The following FANCC variants were observed in gnomAD, a reference collection of about 807,000 sequenced individuals.
FANCC encodes Fanconi anemia group C protein.
FANCC carries 55 observed loss-of-function variants against 71.3 expected under a neutral mutation model. That is an observed-to-expected ratio of 0.77 (90% confidence interval 0.62 to 0.97). FANCC has a LOEUF of 0.97. Among genes scored for constraint, FANCC ranks in the 50% least tolerant of loss-of-function variants. The pLI is 0.00. For missense variants in FANCC, 678 were observed against 670.9 expected (o/e 1.01, Z -0.12); for synonymous variants, 275 against 244.9 (o/e 1.12, Z -1.15).
chr9:95,110,143 G>C (rs2071790711), intron 13 of FANCC: 10 of 615,116 alleles, frequency 1.6e-5, no homozygotes, highest in Non-Finnish European at 1.8e-5. Context: ...CCCTGAGGGA[G>C]AACTACGCAA....
At chr9:95,209,464 T>C (rs898300107) in intron 4 of FANCC, among the ~76,000 whole-genome samples, 1 of 152,178 alleles carries the variant, frequency 6.6e-6, no homozygotes, top group African/African-American at 2.4e-5. Flanking sequence ...CAGGGGAGGC[T>C]GTGCATGTGT....
At chr9:95,141,904 AACCTAATACT>A (rs1288328433) in intron 7 of FANCC, among the ~76,000 whole-genome samples, 1 of 152,076 alleles carries the variant, frequency 6.6e-6, no homozygotes, top group Non-Finnish European at 1.5e-5. Context: ...AGTTTGCAAA[AACCTAATACT>A]ACACATTGTC....
rs192308056 is a variant in FANCC, at chr9:95,252,453, T to C, written c.-78-3084A>G. Among the ~76,000 whole-genome samples, 230 of 151,334 alleles carry C rather than the reference T, an allele frequency of 1.5e-3. 1 individual carries two copies. Among genetic ancestry groups the C allele is most frequent in the African/African-American group, 5.2e-3 (216 of 41,246 alleles). On this transcript the variant is annotated intron_variant, in intron 1 of 14. Transcript: ENST00000289081. Reference sequence around the variant, plus strand: ...AGACAAACATTTTATTCAAATAAAATTGCAGGCCCGGGGCTGGGCGCCGTG... The same window carrying C: ...AGACAAACATTTTATTCAAATAAAACTGCAGGCCCGGGGCTGGGCGCCGTG...
chr9:95,124,878 C>A (rs1405909361), intron 10 of FANCC, among the ~76,000 whole-genome samples: 1 of 152,184 alleles, frequency 6.6e-6, no homozygotes. Context: ...TAGACAGATG[C>A]TTCTGGGTAT....
chr9:95,223,963 G>C (rs2135951687), intron 4 of FANCC, among the ~76,000 whole-genome samples: 2 of 152,262 alleles, frequency 1.3e-5, no homozygotes, highest in South Asian at 4.1e-4. Flanking sequence ...GGCAACAAGA[G>C]TGAAACTCCG....
At chr9:95,189,717 T>G (rs1325431399) in intron 4 of FANCC, among the ~76,000 whole-genome samples, 1 of 152,220 alleles carries the variant, frequency 6.6e-6, no homozygotes, top group Non-Finnish European at 1.5e-5. Context: ...TGATAAATAT[T>G]CTGCCAGGCT....
intron 1 of FANCC, among the ~76,000 whole-genome samples, chr9:95,256,677 A>C (rs1340808295): frequency 6.6e-6 from 1 of 152,234 alleles, no homozygotes; most frequent in African/African-American, 2.4e-5. Flanking sequence ...GATCAAATTC[A>C]CACATAAAAA....
chr9:95,230,635 G>C (rs1829945823), intron 4 of FANCC, among the ~76,000 whole-genome samples: 1 of 152,106 alleles, frequency 6.6e-6, no homozygotes, highest in African/African-American at 2.4e-5. Flanking sequence ...TGAAGCCGCA[G>C]ACCTTCGCAG....
chr9:95,113,246 A>G (rs2072103771), intron 12 of FANCC, among the ~76,000 whole-genome samples: 1 of 152,222 alleles, frequency 6.6e-6, no homozygotes, highest in African/African-American at 2.4e-5. Context: ...CCAAGCCATC[A>G]ATCACGGAGC....
chr9:95,106,036 C>A (rs1313909045), intron 14 of FANCC, among the ~76,000 whole-genome samples: 1 of 152,214 alleles, frequency 6.6e-6, no homozygotes, highest in Admixed American at 6.5e-5. Context: ...GTTTGAGGAA[C>A]CACCCCATTC....
In FANCC at chr9:95,146,331, AC is replaced by A. The variant is rs372329325; in HGVS notation, c.686+3591del. Reference sequence around the variant, plus strand: ...GTGAAATGCCGTCTCTACCGAAAATACAAAAAATTAGCCAGGCATGGTAGCA... The same window carrying A: ...GTGAAATGCCGTCTCTACCGAAAATAAAAAAATTAGCCAGGCATGGTAGCA... On this transcript the variant is annotated intron_variant, in intron 7 of 14. Transcript: ENST00000289081. 3.0e-3 allele frequency among the ~76,000 whole-genome samples: 451 copies of A among 151,858 alleles called. 3 individuals carry two copies. Among genetic ancestry groups the A allele is most frequent in the African/African-American group, 0.01 (431 of 41,392 alleles).
chr9:95,231,352 CA>C (rs1275241809), intron 4 of FANCC, among the ~76,000 whole-genome samples: 1 of 152,174 alleles, frequency 6.6e-6, no homozygotes, highest in African/African-American at 2.4e-5. Flanking sequence ...AGCCAGGTGA[CA>C]GGGGTCCCTG....
chr9:95,214,706 C>G (rs1828741791), intron 4 of FANCC, among the ~76,000 whole-genome samples: 1 of 152,298 alleles, frequency 6.6e-6, no homozygotes, highest in Middle Eastern at 3.4e-3. Flanking sequence ...TACGTTAGAA[C>G]ATGGATGAAC....
chr9:95,111,417 C>T, intron 13 of FANCC, 46 bp downstream of exon 13: 2 of 1,600,316 alleles, frequency 1.2e-6, no homozygotes, highest in Non-Finnish European at 1.7e-6. Flanking sequence ...TCCTCTCAGC[C>T]CCCCAGAGCC....
At chr9:95,212,334 C>A (rs1744344548) in intron 4 of FANCC, among the ~76,000 whole-genome samples, 1 of 151,950 alleles carries the variant, frequency 6.6e-6, no homozygotes, top group Admixed American at 6.6e-5. Flanking sequence ...TTCTGAAAAT[C>A]TATGATAAAG....
chr9:95,131,644 C>T (rs1826928123), intron 8 of FANCC, among the ~76,000 whole-genome samples: 1 of 152,208 alleles, frequency 6.6e-6, no homozygotes, highest in South Asian at 2.1e-4. Context: ...TTATCTACTT[C>T]AGCTCTTGTT....
chr9:95,249,001 T>G (rs1831163676), intron 2 of FANCC, 126 bp downstream of exon 2: 1 of 921,188 alleles, frequency 1.1e-6, no homozygotes, highest in South Asian at 1.5e-5. Context: ...GTAATTTGTC[T>G]TCCTAATCCA....
intron 1 of FANCC, among the ~76,000 whole-genome samples, chr9:95,279,872 T>C (rs908603877): frequency 2.1e-5 from 3 of 144,482 alleles, no homozygotes; most frequent in African/African-American, 5.2e-5. Context: ...CGCTTGAACC[T>C]GAGAGGCGGA....
At chr9:95,136,314 G>A (rs1827689756) in intron 7 of FANCC, among the ~76,000 whole-genome samples, 3 of 151,842 alleles carry the variant, frequency 2.0e-5, no homozygotes, top group East Asian at 3.9e-4. Flanking sequence ...CAGGAGGATC[G>A]CTAGAGCCCA....
Sources: gnomAD v4.1 joint callset for allele counts (sites outside exome capture counted in the v4.1 genomes callset) on GRCh38, gnomAD v4.1.1 for gene constraint, MANE v1.5 for transcripts, NCBI Gene and HGNC (gene_info 2026-07-23, HGNC 2026-07-21) for gene names.